INTS12: variants seen among roughly 807,000 people sequenced by gnomAD.
The protein encoded by INTS12 is PHD finger protein 22.
A neutral mutation model predicts 41.6 loss-of-function variants in INTS12; 13 were observed. The observed-to-expected ratio is 0.31, with a 90% CI of 0.20 to 0.50. The LOEUF (loss-of-function observed/expected upper bound fraction) is 0.50, where lower values mean the gene tolerates loss of function less well. INTS12 is among the 20% of genes least tolerant of loss of function. INTS12 has a pLI of 0.98. For synonymous variants in INTS12, 199 were observed against 191.4 expected, an observed-to-expected ratio of 1.04 and a Z score of -0.33; for missense variants, 432 against 541.6, an observed-to-expected ratio of 0.80 and a Z score of 2.01.
Position 105,703,122 on chromosome 4 carries a change from A to G in INTS12, c.-10+526T>C, listed in dbSNP as rs187897904. The G allele has an allele frequency of 3.4e-4, 163 of 486,306 alleles. 1 individual carries two copies. The highest frequency in any genetic ancestry group is 1.0e-3 in the Admixed American group (16 of 15,684). The allele number at this position is 486,306 out of a possible 1,614,324, so 30.1% of individuals were successfully genotyped here. The stretch of plus-strand genomic sequence containing the variant: ...TCATTCCTAAACCCATGGCCAAAAC[A>G]GACTGCAAAAGAGCCATATCATTCT... On this transcript the variant is annotated intron_variant, in intron 2 of 7. Transcript: ENST00000340139.
At chr4:105,694,440 C>T (rs772876889) in intron 4 of INTS12, among the ~76,000 whole-genome samples, 1 of 152,132 alleles carries the variant, frequency 6.6e-6, no homozygotes, top group African/African-American at 2.4e-5. Flanking sequence ...ATTCTCACGT[C>T]TCAGCCTCCT....
In INTS12 at chr4:105,682,742, G is replaced by A. The variant is rs753268208; in HGVS notation, c.1380C>T (p.Leu460=). Residue 460 remains leucine (L), a synonymous_variant, in exon 8 of 8, where the codon CTC becomes CTT. Transcript: ENST00000340139. ...AACCTACTTGGCCACATTACTTCTT[G>A]AGTTTCTTTTGGGCAGCTTTCTTCT... ...MVKKKAAQKK[L]KK 6.2e-7 allele frequency: 1 copy of A among 1,613,004 alleles called. No homozygotes were observed. The highest frequency in any genetic ancestry group is 1.7e-5 in the Admixed American group (1 of 59,932).
At chr4:105,689,853 C>A (rs886873880) in intron 6 of INTS12, among the ~76,000 whole-genome samples, 1 of 152,090 alleles carries the variant, frequency 6.6e-6, no homozygotes, top group African/African-American at 2.4e-5. Flanking sequence ...CTGCAGTGAG[C>A]CATGGTCATG....
chr4:105,700,100 A>C, intron 2 of INTS12, 86 bp from the exon 3 acceptor site: 1 of 878,436 alleles, frequency 1.1e-6, no homozygotes, highest in East Asian at 2.5e-5. Context: ...TTAATTTGTA[A>C]TAGATAATAC....
In INTS12 at chr4:105,700,706, AACACAC is replaced by A. The variant is rs767514862; in HGVS notation, c.-9-698_-9-693del. Reference sequence around the variant, plus strand: ...GAGGGATAATATCATATCTACTTAAAACACACACACACACACACACACACACACACA... The same window carrying A: ...GAGGGATAATATCATATCTACTTAAAACACACACACACACACACACACACA... On this transcript the variant is annotated intron_variant, in intron 2 of 7. Coordinates refer to ENST00000340139, the MANE Select transcript of INTS12 (RefSeq NM_020395.4). Among the ~76,000 whole-genome samples the A allele has an allele frequency of 5.2e-3, 704 of 134,802 alleles. 4 individuals are homozygous for A. The highest frequency in any genetic ancestry group is 0.017 in the African/African-American group (599 of 34,372). 88.4% of individuals were successfully genotyped at this position (134,802 alleles called of 152,430 possible). A position where few individuals can be genotyped will look rare whatever the true frequency, so the allele number is the denominator to read the frequency against.
intron 6 of INTS12, among the ~76,000 whole-genome samples, chr4:105,689,583 C>A (rs1440226890): frequency 1.3e-5 from 2 of 152,122 alleles, no homozygotes; most frequent in African/African-American, 2.4e-5. Context: ...GACACACAGA[C>A]CAGATTCACT....
At position 105,686,336 on chromosome 4, in the gene INTS12, G is replaced by A. The variant is rs149408719; in HGVS notation, c.804+356C>T. ...ACTCCTGACCTCAGGTAATCCACCC[G>A]CCTTGGCCTCCCAAAGTGCTGGGAC... is the stretch of plus-strand genomic sequence containing the variant. On this transcript the variant is annotated intron_variant, in intron 7 of 7. Coordinates refer to ENST00000340139, the MANE Select transcript of INTS12 (RefSeq NM_020395.4). Among the ~76,000 whole-genome samples, 372 of 152,192 alleles carry A rather than the reference G, an allele frequency of 2.4e-3. 2 individuals carry two copies. Among genetic ancestry groups the A allele is most frequent in the African/African-American group, 8.6e-3 (357 of 41,536 alleles).
chr4:105,688,534 G>A (rs762795772), intron 6 of INTS12, among the ~76,000 whole-genome samples: 3 of 152,146 alleles, frequency 2.0e-5, no homozygotes, highest in African/African-American at 4.8e-5. Flanking sequence ...AAGAATGTTC[G>A]AAGTAATTCA....
chr4:105,691,279 C>T (rs143436191), intron 6 of INTS12, among the ~76,000 whole-genome samples: 73 of 152,188 alleles, frequency 4.8e-4, no homozygotes, highest in African/African-American at 1.7e-3. Flanking sequence ...GAGAATAAGA[C>T]ATTATGGCAA....
intron 2 of INTS12, among the ~76,000 whole-genome samples, chr4:105,701,628 C>A (rs904597806): frequency 6.6e-6 from 1 of 152,056 alleles, no homozygotes; most frequent in African/African-American, 2.4e-5. Flanking sequence ...AGGGTAACAG[C>A]CTAATCTCTT....
In INTS12 at chr4:105,683,091, A is replaced by G; in HGVS notation, c.1031T>C (p.Ile344Thr). 2 of 1,614,130 alleles carry G rather than the reference A, an allele frequency of 1.2e-6. No individual in the cohort carries two copies. The highest frequency in any genetic ancestry group is 3.3e-5 in the Admixed American group (2 of 60,020). Residue 344 changes from isoleucine (I) to threonine (T), a missense_variant, in exon 8 of 8, where the codon ATA (isoleucine) becomes ACA (threonine). This residue lies in a region of INTS12 where 258 missense variants were observed against 309.9 expected (regional missense o/e 0.83). Transcript: ENST00000340139. Reference protein sequence around the residue: ...TGLATSSKGGIGSKIGSNNST... With the variant: ...TGLATSSKGGTGSKIGSNNST... ...GTTATTGGAACCTATTTTGGAACCT[A>G]TTCCACCTTTGGATGATGTTGCCAG... is the stretch of plus-strand genomic sequence containing the variant.
intron 6 of INTS12, among the ~76,000 whole-genome samples, chr4:105,687,573 G>A (rs1193554525): frequency 6.6e-6 from 1 of 152,082 alleles, no homozygotes; most frequent in African/African-American, 2.4e-5. Context: ...TTTCTAGGTA[G>A]ATAATTATAA....
rs778081826 is a variant in INTS12, at chr4:105,695,551, C to A, written c.274G>T (p.Val92Leu). The A allele has an allele frequency of 1.9e-6, 3 of 1,611,024 alleles. No individual in the cohort carries two copies. The Admixed American group carries it at 5.0e-5, about 27-fold the overall frequency. Reference protein sequence around the residue: ...NNGKVLTTEKVKKEAEKRPAD... With the variant: ...NNGKVLTTEKLKKEAEKRPAD... ...GGTCTCTTTTCAGCTTCCTTCTTTA[C>A]CTTTTCAGTTGTGAGGACCTTGCCA... Residue 92 changes from valine to leucine, a missense_variant, in exon 4 of 8, where the codon GTA (valine) becomes TTA (leucine). This residue lies in a region of INTS12 where 168 missense variants were observed against 198.9 expected (regional missense o/e 0.84). Coordinates refer to ENST00000340139, the MANE Select transcript of INTS12 (RefSeq NM_020395.4).
rs557433424 is a variant in INTS12 at position 105,706,974 on chromosome 4, C to T, written c.-172+1664G>A. On this transcript the variant is annotated intron_variant, in intron 1 of 7. Coordinates refer to ENST00000340139, the MANE Select transcript of INTS12 (RefSeq NM_020395.4). ...TTTCATTAAAATAAAAAAAAAAATT[C>T]TTGCTGAGAAGTTAGGGCTTTCTAC... Among the ~76,000 whole-genome samples the T allele has an allele frequency of 1.1e-4, 16 of 151,924 alleles. No homozygotes were observed. In the South Asian group the frequency reaches 3.3e-3, roughly 32 times the overall value.
chr4:105,685,498 G>A (rs1250295070), intron 7 of INTS12, among the ~76,000 whole-genome samples: 1 of 152,038 alleles, frequency 6.6e-6, no homozygotes, highest in African/African-American at 2.4e-5. Flanking sequence ...AAATTAAAAT[G>A]AAAAATAATC....
chr4:105,695,684 A>T lies in INTS12; in HGVS notation c.157-16T>A. The T allele has an allele frequency of 1.9e-6, 3 of 1,595,678 alleles. No homozygotes were observed. The highest frequency in any genetic ancestry group is 2.6e-6 in the Non-Finnish European group (3 of 1,169,812). ...GCTCCACATCCTAAAAGATGAAAAAAGGTACCAGTAATTAAATATTTAGAC... is the reference window on the plus strand; with the variant it reads ...GCTCCACATCCTAAAAGATGAAAAATGGTACCAGTAATTAAATATTTAGAC... On this transcript the variant is annotated splice_polypyrimidine_tract_variant and intron_variant, in intron 3 of 7. Coordinates refer to ENST00000340139, the MANE Select transcript of INTS12 (RefSeq NM_020395.4).
rs759142019 is a variant in INTS12 at position 105,684,144 on chromosome 4, AT to A, written c.805-828del. Among the ~76,000 whole-genome samples, 6 of 152,282 alleles carry A rather than the reference AT, an allele frequency of 3.9e-5. No homozygotes were observed. In the South Asian group the frequency reaches 6.2e-4, roughly 16 times the overall value. On this transcript the variant is annotated intron_variant, in intron 7 of 7. Coordinates refer to ENST00000340139, the MANE Select transcript of INTS12 (RefSeq NM_020395.4). ...AGGGTATAACACTTCAACTTCTCTG[AT>A]TAACTTTCCTGGCTAATCAGAAGCT...
chr4:105,702,062 TTTGACCCAGTGGTCCC>T (rs1732093295), intron 2 of INTS12, among the ~76,000 whole-genome samples: 1 of 152,004 alleles, frequency 6.6e-6, no homozygotes, highest in African/African-American at 2.4e-5. Flanking sequence ...AACATGGCCC[TTTGACCCAGTGGTCCC>T]CATGGTGGAA....
chr4:105,705,801 T>C (rs1174392823), intron 1 of INTS12: 2 of 152,266 alleles, frequency 1.3e-5, no homozygotes, highest in Non-Finnish European at 2.9e-5. Context: ...CACTGTTACA[T>C]AGCCCAAAAA....
Sources: allele counts gnomAD v4.1 joint callset (sites outside exome capture counted in the v4.1 genomes callset), GRCh38; gene constraint gnomAD v4.1.1; regional missense constraint gnomAD v4.1.1; transcripts MANE v1.5; gene names NCBI Gene and HGNC (gene_info 2026-07-23, HGNC 2026-07-21).